The following CP variants were observed in gnomAD, a reference collection of about 807,000 sequenced individuals.
CP encodes ceruloplasmin.
A neutral mutation model predicts 122.4 loss-of-function variants in CP; 64 were observed. The observed-to-expected ratio is 0.52, with a 90% CI of 0.43 to 0.64. CP has a LOEUF of 0.64. CP is among the 30% of genes least tolerant of loss of function. CP has a pLI of 0.00. For missense variants in CP, 1,167 were observed against 1,284.4 expected, an observed-to-expected ratio of 0.91 and a Z score of 1.40; for synonymous variants, 440 against 436.4, an observed-to-expected ratio of 1.01 and a Z score of -0.10.
At chr3:149,167,374 A>G (rs1724529698) in intron 4 of CP, 14 of 711,324 alleles carry the variant, frequency 2.0e-5, no homozygotes, top group Non-Finnish European at 3.5e-5. Context: ...CATTGAGCAT[A>G]TATGTTTAAT....
chr3:149,185,100 T>A (rs1183708315), intron 12 of CP, 139 bp downstream of exon 12: 1 of 757,438 alleles, frequency 1.3e-6, no homozygotes, highest in Non-Finnish European at 2.2e-6. Context: ...CTAGGAAGTG[T>A]TTTGTTGTTG....
At chr3:149,200,017 C>T in intron 7 of CP, 153 bp from the exon 8 acceptor site, 2 of 737,362 alleles carry the variant, frequency 2.7e-6, no homozygotes, top group Non-Finnish European at 4.7e-6. Flanking sequence ...TTGAGAAGTC[C>T]ATAATCAATC....
At chr3:149,198,969 G>T (rs987385380) in intron 8 of CP, among the ~76,000 whole-genome samples, 1 of 152,144 alleles carries the variant, frequency 6.6e-6, no homozygotes, top group African/African-American at 2.4e-5. Context: ...GAATAAAATG[G>T]AACTGAAAAT....
At chr3:149,179,153 A>T (rs1725620624) in intron 15 of CP, among the ~76,000 whole-genome samples, 1 of 152,140 alleles carries the variant, frequency 6.6e-6, no homozygotes, top group African/African-American at 2.4e-5. Flanking sequence ...CTCCCTCCTT[A>T]CAGTAGAGGT....
At chr3:149,181,981 C>CACCA in intron 14 of CP, 24 bp downstream of exon 14, 4 of 520,432 alleles carry the variant, frequency 7.7e-6, no homozygotes, top group Non-Finnish European at 1.5e-5. Flanking sequence ...AATGCACCAC[C>CACCA]CCCACCCCCG....
Position 149,198,364 on chromosome 3 carries a change from T to C in CP, c.1713+3A>G, listed in dbSNP as rs372361874. On this transcript the variant is annotated splice_donor_region_variant and intron_variant, in intron 9 of 18. Transcript: ENST00000264613. Reference sequence around the variant, plus strand: ...CAATTTTTTTTTCCCCAGTTGGACTTACCTGTCTCCCATTTGCATGTAAAC... The same window carrying C: ...CAATTTTTTTTTCCCCAGTTGGACTCACCTGTCTCCCATTTGCATGTAAAC... 40 of 1,613,292 alleles carry C rather than the reference T, an allele frequency of 2.5e-5. No individual in the cohort carries two copies. Among genetic ancestry groups the C allele is most frequent in the Non-Finnish European group, 3.1e-5 (36 of 1,179,278 alleles).
Position 149,186,586 on chromosome 3 carries a change from G to A in CP, c.2011C>T (p.Arg671Trp), listed in dbSNP as rs376994699. The change falls in exon 11 of 19, where the codon CGG becomes TGG. Residue 671 changes from arginine (R) to tryptophan (W), a missense_variant. Physicochemically the swap from Arg to Trp is moderately radical, Grantham distance 101. This residue lies in a region of CP where 525 missense variants were observed against 657.2 expected (regional missense o/e 0.80). Coordinates refer to ENST00000264613, the MANE Select transcript of CP (RefSeq NM_000096.4). ...SGNTYLWRGE[R>W]RDTANLFPQT... is the part of the protein sequence containing the mutation. ...GGGAAGAGGTTTGCTGTGTCTCTCC[G>A]TTCTCCTCTCCACAGATATGTGTTT... 62 of 1,614,018 alleles carry A rather than the reference G, an allele frequency of 3.8e-5. 1 individual carries two copies. The highest frequency in any genetic ancestry group is 2.7e-4 in the East Asian group (12 of 44,902).
intron 3 of CP, among the ~76,000 whole-genome samples, chr3:149,209,727 G>C (rs913685971): frequency 6.6e-6 from 1 of 152,154 alleles, no homozygotes; most frequent in South Asian, 2.1e-4. Context: ...GATTGTTCAA[G>C]TTAGAATTGT....
chr3:149,162,812 G>C (rs1257586851), exon 6 of CP: 4 of 1,613,930 alleles, frequency 2.5e-6, no homozygotes, highest in Non-Finnish European at 3.4e-6. Context: ...TCACATCACA[G>C]TACATCTGGA....
At chr3:149,175,422 C>A (rs1351306077) in intron 18 of CP, among the ~76,000 whole-genome samples, 1 of 152,078 alleles carries the variant, frequency 6.6e-6, no homozygotes, top group Admixed American at 6.5e-5. Context: ...AAAGGTTAAC[C>A]TTTCAGGGCT....
At chr3:149,168,299 C>T, downstream of CP, 1 of 301,224 alleles carries the variant, frequency 3.3e-6, no homozygotes, top group Non-Finnish European at 6.3e-6. Flanking sequence ...TATCAATGAT[C>T]AGAGTACTTA....
At chr3:149,170,302 T>G (rs1724847283), downstream of CP, among the ~76,000 whole-genome samples, 1 of 152,184 alleles carries the variant, frequency 6.6e-6, no homozygotes, top group Non-Finnish European at 1.5e-5. Flanking sequence ...TCCAACTCAG[T>G]TTTTTTGTTT....
intron 10 of CP, chr3:149,187,820 G>A (rs1176438077): frequency 1.8e-5 from 9 of 504,434 alleles, no homozygotes; most frequent in Non-Finnish European, 2.2e-5. Flanking sequence ...TGCTGATATA[G>A]GGACCACACT....
intron 17 of CP, among the ~76,000 whole-genome samples, chr3:149,177,584 T>G (rs1725500637): frequency 6.6e-6 from 1 of 152,196 alleles, no homozygotes; most frequent in African/African-American, 2.4e-5. Flanking sequence ...TGCCTACATA[T>G]CATTTCATTT....
In CP at chr3:149,176,303, G is replaced by A. The variant is rs1410730383; in HGVS notation, c.3128C>T (p.Thr1043Ile). ...PGIWLLHCHVTDHIHAGMETT... is the reference protein window; with the variant it reads ...PGIWLLHCHVIDHIHAGMETT... ...TTCCATTCCAGCATGAATGTGGTCG[G>A]TCACATGGCAGTGGAGTAACCAAAT... The change falls in exon 18 of 19, where the codon ACC becomes ATC. Residue 1043 changes from threonine to isoleucine, a missense_variant. This residue lies in a region of CP where 525 missense variants were observed against 657.2 expected (regional missense o/e 0.80). Transcript: ENST00000264613. 6.2e-7 allele frequency: 1 copy of A among 1,613,310 alleles called. No homozygotes were observed. Among genetic ancestry groups the A allele is most frequent in the African/African-American group, 1.3e-5 (1 of 74,978 alleles).
In CP at chr3:149,163,950, G is replaced by T. The variant is rs281865095; in HGVS notation, c.*14-1075C>A. 2.4e-5 allele frequency: 34 copies of T among 1,409,338 alleles called. No homozygotes were observed. Among genetic ancestry groups the T allele is most frequent in the Non-Finnish European group, 3.2e-5 (32 of 993,986 alleles). The allele number at this position is 1,409,338 out of a possible 1,614,324, so 87.3% of individuals were successfully genotyped here. A position where few individuals can be genotyped will look rare whatever the true frequency, so the allele number is the denominator to read the frequency against. On this transcript the variant is annotated intron_variant, in intron 5 of 5. Transcript: ENST00000479771. ...TACAGAAGATCTTTCAAAATTACAG[G>T]TAAGTAAAAATACCTCCTTTTCTTA...
intron 13 of CP, 30 bp from the exon 14 acceptor site, chr3:149,182,163 A>G (rs760684073): frequency 9.9e-6 from 16 of 1,612,608 alleles, no homozygotes; most frequent in African/African-American, 1.3e-5. Flanking sequence ...AGAGTGTCCA[A>G]TCAGAAGGTC....
chr3:149,183,257 T>C lies in CP; in HGVS notation c.2425+209A>G, dbSNP rs150167647. On this transcript the variant is annotated intron_variant, in intron 13 of 18. Coordinates refer to ENST00000264613, the MANE Select transcript of CP (RefSeq NM_000096.4). ...CATCAGTATACGGGACAATACATAG[T>C]TTCCAAGAGAAATAAGTAATATTTT... 4.0e-3 allele frequency among the ~76,000 whole-genome samples: 611 copies of C among 152,320 alleles called. 5 individuals are homozygous for C. Among genetic ancestry groups the C allele is most frequent in the African/African-American group, 0.014 (579 of 41,566 alleles).
intron 2 of CP, 119 bp downstream of exon 2, chr3:149,212,332 G>T: frequency 9.5e-7 from 1 of 1,055,782 alleles, no homozygotes; most frequent in Non-Finnish European, 1.4e-6. Context: ...AAAAAAAATA[G>T]TTAAGAGCTG....
Sources: gnomAD v4.1 joint callset for allele counts (sites outside exome capture counted in the v4.1 genomes callset) on GRCh38, gnomAD v4.1.1 for gene constraint, gnomAD v4.1.1 regional missense constraint, MANE v1.5 for transcripts, NCBI Gene and HGNC (gene_info 2026-07-23, HGNC 2026-07-21) for gene names.